FHL5: variants seen among roughly 807,000 people sequenced by gnomAD.
FHL5 encodes the protein four and a half LIM domains protein 5.
A neutral mutation model predicts 32.0 loss-of-function variants in FHL5; 33 were observed. The observed-to-expected ratio is 1.03, with a 90% CI of 0.78 to 1.38. FHL5 has a LOEUF of 1.38. Ranked by LOEUF, FHL5 falls within the 40% of genes most tolerant of loss-of-function variation. The pLI is 0.00. For synonymous variants in FHL5, 114 were observed against 113.6 expected (o/e 1.00, Z -0.02); for missense variants, 336 against 343.9 (o/e 0.98, Z 0.18).
intron 1 of FHL5, among the ~76,000 whole-genome samples, chr6:96,600,067 A>G (rs1408436013): frequency 6.6e-6 from 1 of 152,218 alleles, no homozygotes; most frequent in African/African-American, 2.4e-5. Flanking sequence ...ATTTTAATCT[A>G]TTAATGTTAG....
intron 1 of FHL5, among the ~76,000 whole-genome samples, chr6:96,573,850 GTT>G (rs1308398274): frequency 6.6e-6 from 1 of 151,488 alleles, no homozygotes; most frequent in Non-Finnish European, 1.5e-5. Context: ...ACCTATAATT[GTT>G]TTTTAAATTA....
chr6:96,567,049 T>A (rs1306509723), intron 1 of FHL5, among the ~76,000 whole-genome samples: 1 of 151,946 alleles, frequency 6.6e-6, no homozygotes, highest in Non-Finnish European at 1.5e-5. Flanking sequence ...GTCTTATCCA[T>A]GAAATTTTTG....
At chr6:96,605,151 T>C (rs1244109357) in intron 3 of FHL5, among the ~76,000 whole-genome samples, 1 of 152,204 alleles carries the variant, frequency 6.6e-6, no homozygotes, top group African/African-American at 2.4e-5. Flanking sequence ...GTCTAATTCA[T>C]AGAAACATTT....
intron 5 of FHL5, among the ~76,000 whole-genome samples, chr6:96,611,135 C>T (rs1363974069): frequency 6.6e-6 from 1 of 152,108 alleles, no homozygotes; most frequent in Non-Finnish European, 1.5e-5. Context: ...AATCAAAATC[C>T]TGCTTAATTC....
At chr6:96,566,741 G>C (rs1255444429) in intron 1 of FHL5, among the ~76,000 whole-genome samples, 1 of 151,682 alleles carries the variant, frequency 6.6e-6, no homozygotes, top group African/African-American at 2.4e-5. Context: ...GCATTACCCT[G>C]ATGATTAATG....
At position 96,605,996 on chromosome 6, in the gene FHL5, C is replaced by A. The variant is rs1771268422; in HGVS notation, c.429C>A (p.Ile143=). Residue 143 remains isoleucine (I), a synonymous_variant, in exon 4 of 6, where the codon ATC becomes ATA. Transcript: ENST00000450218. Reference sequence around the variant, plus strand: ...AACCTATAGGGACAAAGCCTTTGATCTCCAAAGAGAGTGGCAATTATTGTG... The same window carrying A: ...AACCTATAGGGACAAAGCCTTTGATATCCAAAGAGAGTGGCAATTATTGTG... ...CRQPIGTKPL[I]SKESGNYCVP... 6.2e-7 allele frequency: 1 copy of A among 1,614,064 alleles called. No individual in the cohort carries two copies.
intron 5 of FHL5, among the ~76,000 whole-genome samples, chr6:96,612,259 G>A (rs1771426596): frequency 6.6e-6 from 1 of 152,080 alleles, no homozygotes; most frequent in Non-Finnish European, 1.5e-5. Context: ...TTAGAAAATG[G>A]GACTTTCAGA....
chr6:96,581,713 C>G (rs1372294082), intron 1 of FHL5, among the ~76,000 whole-genome samples: 1 of 152,186 alleles, frequency 6.6e-6, no homozygotes, highest in Admixed American at 6.5e-5. Context: ...CTGCTGAAAA[C>G]AGCTACCAGA....
intron 3 of FHL5, among the ~76,000 whole-genome samples, chr6:96,605,620 C>T (rs575589517): frequency 2.6e-5 from 4 of 152,076 alleles, no homozygotes; most frequent in Non-Finnish European, 4.4e-5. Context: ...TTAGGAGTCT[C>T]CATTAAAAGT....
intron 1 of FHL5, among the ~76,000 whole-genome samples, chr6:96,595,280 T>A (rs541349124): frequency 4.3e-4 from 65 of 151,978 alleles, no homozygotes; most frequent in African/African-American, 1.6e-3. Context: ...CTCTTAGCAT[T>A]ATTTCAGTTT....
rs1331634150 is a variant in FHL5 at position 96,583,047 on chromosome 6, T to C, written c.-13+19692T>C. Among the ~76,000 whole-genome samples, 6 of 152,168 alleles carry C rather than the reference T, an allele frequency of 3.9e-5. 1 individual carries two copies. Among genetic ancestry groups the C allele is most frequent in the Admixed American group, 3.9e-4 (6 of 15,262 alleles). On this transcript the variant is annotated intron_variant, in intron 1 of 5. Transcript: ENST00000450218. Reference sequence around the variant, plus strand: ...AAAGGGCCAGAAAAGTTACATGGCTTTCATAACTGTGGACAAACTATACGC... The same window carrying C: ...AAAGGGCCAGAAAAGTTACATGGCTCTCATAACTGTGGACAAACTATACGC...
intron 1 of FHL5, among the ~76,000 whole-genome samples, chr6:96,576,688 A>T (rs1009217577): frequency 1.3e-5 from 2 of 152,246 alleles, no homozygotes; most frequent in Non-Finnish European, 2.9e-5. Context: ...TTCTAGAACC[A>T]AACATCTGAC....
intron 4 of FHL5, among the ~76,000 whole-genome samples, chr6:96,608,365 G>A (rs534403010): frequency 1.3e-5 from 2 of 152,176 alleles, no homozygotes; most frequent in African/African-American, 4.8e-5. Flanking sequence ...ATTATGACAT[G>A]CCAGATTATT....
chr6:96,612,875 C>A (rs1374512027), intron 5 of FHL5, among the ~76,000 whole-genome samples: 1 of 152,024 alleles, frequency 6.6e-6, no homozygotes, highest in African/African-American at 2.4e-5. Flanking sequence ...TAAAATTGAG[C>A]TATTTGAACT....
intron 1 of FHL5, among the ~76,000 whole-genome samples, chr6:96,602,422 G>GTTTTTT (rs1562062430): frequency 1.5e-4 from 4 of 26,602 alleles, no homozygotes; most frequent in Middle Eastern, 0.038. Context: ...TATATGCGTT[G>GTTTTTT]TTTCTTTTTT....
At chr6:96,567,825 CTTTT>C (rs757441385) in intron 1 of FHL5, among the ~76,000 whole-genome samples, 2 of 110,534 alleles carry the variant, frequency 1.8e-5, no homozygotes, top group Non-Finnish European at 1.8e-5. Context: ...TTTTTGTATT[CTTTT>C]TTTTTTTTTT....
chr6:96,607,808 C>T (rs1048142008), intron 4 of FHL5, among the ~76,000 whole-genome samples: 1 of 151,634 alleles, frequency 6.6e-6, no homozygotes, highest in Non-Finnish European at 1.5e-5. Flanking sequence ...CATAGTGACA[C>T]CCTGTCTGTA....
intron 4 of FHL5, among the ~76,000 whole-genome samples, chr6:96,606,689 G>A (rs576342509): frequency 4.5e-4 from 68 of 152,226 alleles, no homozygotes; most frequent in African/African-American, 1.6e-3. Context: ...CGTATTCTGG[G>A]AGAAAGCACA....
Position 96,575,142 on chromosome 6 carries a change from C to T in FHL5, c.-13+11787C>T, listed in dbSNP as rs964193351. 1.1e-4 allele frequency among the ~76,000 whole-genome samples: 17 copies of T among 152,092 alleles called. No homozygotes were observed. The East Asian group carries it at 1.9e-3, about 17-fold the overall frequency. On this transcript the variant is annotated intron_variant, in intron 1 of 5. Transcript: ENST00000450218. ...AGGTCCTGCTGCCTAATTTAACATCCGGTTAACGAAAGTTAATATATGTAT... is the reference window on the plus strand; with the variant it reads ...AGGTCCTGCTGCCTAATTTAACATCTGGTTAACGAAAGTTAATATATGTAT...
Sources: allele counts gnomAD v4.1 joint callset (sites outside exome capture counted in the v4.1 genomes callset), GRCh38; gene constraint gnomAD v4.1.1; transcripts MANE v1.5; gene names NCBI Gene and HGNC (gene_info 2026-07-23, HGNC 2026-07-21).